ADGRB3: variants seen among roughly 807,000 people sequenced by gnomAD.
ADGRB3 encodes adhesion G protein-coupled receptor B3, also known as brain-specific angiogenesis inhibitor 3.
Under a neutral mutation model 193.4 loss-of-function variants are expected in ADGRB3, and 37 were observed. That is an observed-to-expected ratio of 0.19 (90% CI 0.15 to 0.25). The LOEUF (loss-of-function observed/expected upper bound fraction) is 0.25, where lower values mean the gene tolerates loss of function less well. Ranked by LOEUF, ADGRB3 falls within the 10% of genes least tolerant of loss-of-function variation. The pLI, the probability that ADGRB3 is intolerant of heterozygous loss-of-function variation, is 1.00. For missense variants in ADGRB3, 1,637 were observed against 1,852.9 expected (o/e 0.88, Z 2.14); for synonymous variants, 690 against 644.2 (o/e 1.07, Z -1.08).
At chr6:69,172,432 A>G (rs1775294910) in intron 17 of ADGRB3, among the ~76,000 whole-genome samples, 1 of 151,790 alleles carries the variant, frequency 6.6e-6, no homozygotes. Flanking sequence ...TCACGAGGTC[A>G]GGAGATCAAG....
intron 17 of ADGRB3, among the ~76,000 whole-genome samples, chr6:69,110,562 T>C (rs187805680): frequency 7.4e-4 from 113 of 152,336 alleles, no homozygotes; most frequent in African/African-American, 2.7e-3. Context: ...GAGTATGAAA[T>C]TGAATCCTTA....
rs746650544 is a variant in ADGRB3, at chr6:69,233,356, G to C, written c.2547G>C (p.Thr849=). The C allele has an allele frequency of 6.2e-7, 1 of 1,614,018 alleles. No individual in the cohort carries two copies. The highest frequency in any genetic ancestry group is 1.7e-5 in the Admixed American group (1 of 60,014). ...CKTVLTDASH[T]KCLCDRLSTF... ...CTGTGCTTACCGATGCATCCCATAC[G>C]AAATGCTTATGTGATCGTCTCTCTA... Residue 849 remains threonine (T), a synonymous_variant, in exon 18 of 32, where the codon ACG becomes ACC. Transcript: ENST00000370598.
chr6:69,024,770 T>C (rs1402430266), intron 13 of ADGRB3, among the ~76,000 whole-genome samples: 2 of 152,188 alleles, frequency 1.3e-5, no homozygotes, highest in Non-Finnish European at 2.9e-5. Context: ...AGGTAAATAT[T>C]ACTGTGTCTT....
intron 3 of ADGRB3, among the ~76,000 whole-genome samples, chr6:68,869,037 T>C (rs1217835100): frequency 1.3e-5 from 2 of 151,912 alleles, no homozygotes; most frequent in Non-Finnish European, 2.9e-5. Context: ...AATGAATACT[T>C]TCCAGGAGAT....
chr6:69,313,712 A>G (rs1181303063), intron 20 of ADGRB3, among the ~76,000 whole-genome samples: 1 of 151,792 alleles, frequency 6.6e-6, no homozygotes, highest in East Asian at 1.9e-4. Context: ...ATCAGTTTCT[A>G]TCTTACAGTT....
chr6:69,191,681 T>C (rs769399667), intron 17 of ADGRB3, among the ~76,000 whole-genome samples: 1 of 152,112 alleles, frequency 6.6e-6, no homozygotes, highest in South Asian at 2.1e-4. Context: ...TCAACAGATA[T>C]TTGTTGAGTG....
At chr6:68,722,542 A>T (rs1207722906) in intron 3 of ADGRB3, among the ~76,000 whole-genome samples, 1 of 151,616 alleles carries the variant, frequency 6.6e-6, no homozygotes, top group Non-Finnish European at 1.5e-5. Flanking sequence ...ACTGACGCTT[A>T]AAAGATGAAG....
chr6:69,031,063 T>TTC (rs1562128941), intron 13 of ADGRB3, among the ~76,000 whole-genome samples: 1 of 46,132 alleles, frequency 2.2e-5, no homozygotes, highest in Non-Finnish European at 5.9e-5. Flanking sequence ...TCTCTTCTCT[T>TTC]CTCTTCTCTT....
intron 17 of ADGRB3, among the ~76,000 whole-genome samples, chr6:69,149,159 A>C (rs1774591260): frequency 6.6e-6 from 1 of 152,104 alleles, no homozygotes. Context: ...CTTTAAGGAA[A>C]ATAACTCTTA....
chr6:68,903,992 G>A (rs1413145167), intron 3 of ADGRB3, among the ~76,000 whole-genome samples: 3 of 84,004 alleles, frequency 3.6e-5, no homozygotes, highest in South Asian at 4.7e-4. Context: ...AAGACAATAT[G>A]AAAAAAAAAA....
chr6:68,841,154 G>A (rs1768152370), intron 3 of ADGRB3, among the ~76,000 whole-genome samples: 1 of 152,118 alleles, frequency 6.6e-6, no homozygotes, highest in South Asian at 2.1e-4. Flanking sequence ...AATAATAGCT[G>A]GAGATTTCAA....
chr6:68,639,785 T>A (rs1029577490), intron 3 of ADGRB3, among the ~76,000 whole-genome samples: 7 of 152,054 alleles, frequency 4.6e-5, no homozygotes, highest in African/African-American at 1.4e-4. Context: ...ACGCCCCACA[T>A]GTGAAGTGGA....
At chr6:68,697,587 C>A (rs1240529777) in intron 3 of ADGRB3, among the ~76,000 whole-genome samples, 2 of 151,832 alleles carry the variant, frequency 1.3e-5, no homozygotes, top group African/African-American at 4.8e-5. Flanking sequence ...CTACTTGGTT[C>A]TGTATAATGA....
intron 3 of ADGRB3, among the ~76,000 whole-genome samples, chr6:68,782,896 A>G (rs1342682225): frequency 1.3e-5 from 2 of 151,788 alleles, no homozygotes; most frequent in Admixed American, 1.3e-4. Context: ...ATGAGTAAGT[A>G]TACTCATTTT....
At chr6:69,190,625 CT>C (rs1190657795) in intron 17 of ADGRB3, among the ~76,000 whole-genome samples, 12 of 152,026 alleles carry the variant, frequency 7.9e-5, no homozygotes, top group African/African-American at 2.9e-4. Context: ...TTTAGCGTAA[CT>C]TAAGTGTACA....
chr6:68,701,999 C>T (rs754810475), intron 3 of ADGRB3, among the ~76,000 whole-genome samples: 3 of 152,030 alleles, frequency 2.0e-5, no homozygotes, highest in Non-Finnish European at 4.4e-5. Flanking sequence ...TCTGGTTTGG[C>T]AGGTGTATTA....
chr6:68,673,607 G>A (rs1163653183), intron 3 of ADGRB3, among the ~76,000 whole-genome samples: 2 of 152,072 alleles, frequency 1.3e-5, no homozygotes, highest in African/African-American at 4.8e-5. Flanking sequence ...ACCTTAACAT[G>A]TTATTGGAAA....
chr6:69,194,529 T>G (rs1336440005), intron 17 of ADGRB3, among the ~76,000 whole-genome samples: 2 of 152,102 alleles, frequency 1.3e-5, no homozygotes, highest in African/African-American at 2.4e-5. Context: ...GTTGCCAAAA[T>G]CAGTTTTGAT....
chr6:68,824,899 A>C (rs993854660), intron 3 of ADGRB3, among the ~76,000 whole-genome samples: 13 of 151,918 alleles, frequency 8.6e-5, no homozygotes, highest in South Asian at 2.1e-4. Flanking sequence ...CTGTCGCCCA[A>C]GCTGGAGTGC....
Sources: allele counts gnomAD v4.1 joint callset (sites outside exome capture counted in the v4.1 genomes callset), GRCh38; gene constraint gnomAD v4.1.1; transcripts MANE v1.5; gene names NCBI Gene and HGNC (gene_info 2026-07-23, HGNC 2026-07-21).